Variants in PMM2 observed in about 807,000 individuals in gnomAD.
PMM2 encodes the protein phosphomannomutase 2.
A neutral mutation model predicts 33.2 loss-of-function variants in PMM2; 35 were observed. That is an observed-to-expected ratio of 1.06 (90% CI 0.81 to 1.40). The LOEUF (loss-of-function observed/expected upper bound fraction) is 1.40. PMM2 is among the 40% of genes most tolerant of loss of function. The pLI, the probability that PMM2 is intolerant of heterozygous loss-of-function variation, is 0.00. For synonymous variants in PMM2, 153 were observed against 114.7 expected (o/e 1.33, Z -2.13); for missense variants, 386 against 306.0 (o/e 1.26, Z -1.95).
chr16:8,817,965 G>A (rs1301936318), intron 7 of PMM2, among the ~76,000 whole-genome samples: 10 of 149,838 alleles, frequency 6.7e-5, no homozygotes, highest in South Asian at 4.2e-4. Flanking sequence ...GTGCAGTGGC[G>A]TGATCTCGGC....
intron 7 of PMM2, chr16:8,832,837 C>G (rs1014498189): frequency 2.0e-6 from 2 of 985,440 alleles, no homozygotes; most frequent in Admixed American, 6.1e-5. Flanking sequence ...AGCGTCTTCT[C>G]TGATGGCCAC....
At chr16:8,800,614 C>T (rs902616229) in intron 1 of PMM2, among the ~76,000 whole-genome samples, 3 of 150,894 alleles carry the variant, frequency 2.0e-5, no homozygotes, top group African/African-American at 7.3e-5. Context: ...TACTCTTTTA[C>T]ATTTTTGTTT....
Position 8,811,698 on chromosome 16 carries a change from C to T in PMM2, c.508C>T (p.Leu170Phe), listed in dbSNP as rs183384745. The T allele has an allele frequency of 2.5e-6, 4 of 1,610,288 alleles. No individual in the cohort carries two copies. The highest frequency in any genetic ancestry group is 3.4e-6 in the Non-Finnish European group (4 of 1,176,534). The change falls in exon 6 of 8, where the codon CTC becomes TTC. Residue 170 changes from leucine to phenylalanine, a missense_variant. Coordinates refer to ENST00000268261, the MANE Select transcript of PMM2 (RefSeq NM_000303.3). ...DLRKEFAGKGLTFSIGGQISF... is the reference protein window; with the variant it reads ...DLRKEFAGKGFTFSIGGQISF... ...ACGGAAAGAGTTTGCTGGAAAAGGC[C>T]TCACGTTTTCCATAGGTATTGTATA...
At chr16:8,838,585 G>A (rs2060868024) in intron 7 of PMM2, among the ~76,000 whole-genome samples, 1 of 151,960 alleles carries the variant, frequency 6.6e-6, no homozygotes, top group African/African-American at 2.4e-5. Flanking sequence ...CTTGTGGTAA[G>A]GGGTGATATT....
chr16:8,804,646 A>G, intron 2 of PMM2, 121 bp from the exon 3 acceptor site: 1 of 731,030 alleles, frequency 1.4e-6, no homozygotes, highest in Non-Finnish European at 2.5e-6. Context: ...GTAAGATGAG[A>G]TAGTCTTTCA....
intron 1 of PMM2, among the ~76,000 whole-genome samples, chr16:8,800,691 T>C (rs1379104450): frequency 1.3e-5 from 2 of 151,614 alleles, no homozygotes; most frequent in African/African-American, 4.8e-5. Flanking sequence ...TGTTTTGTTT[T>C]GTTTTGTTTT....
chr16:8,842,504 G>A (rs2060896989), intron 7 of PMM2: 1 of 152,230 alleles, frequency 6.6e-6, no homozygotes, highest in Non-Finnish European at 1.5e-5. Flanking sequence ...ATGGGTGTCA[G>A]GGTCAGTCCA....
In PMM2 at chr16:8,798,386, C is replaced by G. The variant is rs531374511; in HGVS notation, c.66+438C>G. On this transcript the variant is annotated intron_variant, in intron 1 of 7. Transcript: ENST00000268261. ...ACCTAGTGGAGTCTCATCTTCACCT[C>G]TTGACATCTGTGTGACCTTCAGCGA... 3.3e-5 allele frequency among the ~76,000 whole-genome samples: 5 copies of G among 152,292 alleles called. No individual in the cohort carries two copies. The South Asian group carries it at 8.3e-4, about 25-fold the overall frequency.
At position 8,844,726 on chromosome 16, in the gene PMM2, G is replaced by C. The variant is rs1192477596; in HGVS notation, c.640-2998G>C. ...GTCCGTGACCGGCGCCGGTTTTTTG[G>C]GTCCACAGATAAAACGTCTCCTTTG... On this transcript the variant is annotated intron_variant, in intron 7 of 7. Transcript: ENST00000268261. 1.3e-5 allele frequency among the ~76,000 whole-genome samples: 2 copies of C among 152,112 alleles called. 1 individual carries two copies. Among genetic ancestry groups the C allele is most frequent in the African/African-American group, 4.8e-5 (2 of 41,416 alleles).
intron 7 of PMM2, among the ~76,000 whole-genome samples, chr16:8,828,025 CTTTTTT>C (rs71153002): frequency 3.0e-5 from 2 of 66,622 alleles, no homozygotes; most frequent in Non-Finnish European, 5.3e-5. Context: ...CTGTAGAACT[CTTTTTT>C]TTTTTTTTTT....
intron 7 of PMM2, among the ~76,000 whole-genome samples, chr16:8,826,817 A>C (rs1011842568): frequency 1.3e-5 from 2 of 152,020 alleles, no homozygotes; most frequent in African/African-American, 4.8e-5. Context: ...CCCATTTTAC[A>C]AATCTTGTCA....
chr16:8,835,001 A>G (rs570748091), intron 7 of PMM2, among the ~76,000 whole-genome samples: 6,874 of 152,012 alleles, frequency 0.045, 229 homozygotes, highest in Middle Eastern at 0.13. Flanking sequence ...AAGTATATGC[A>G]TCAGGTATGA....
In PMM2 at chr16:8,847,937, C is replaced by G. The variant is rs1255644375; in HGVS notation, c.*112C>G. 2.2e-5 allele frequency: 17 copies of G among 767,354 alleles called. 1 individual carries two copies. The highest frequency in any genetic ancestry group is 2.2e-4 in the South Asian group (15 of 68,552). The allele number at this position is 767,354 out of a possible 1,614,324, so 47.5% of individuals were successfully genotyped here. A position where few individuals can be genotyped will look rare whatever the true frequency, so the allele number is the denominator to read the frequency against. On this transcript the variant is annotated 3_prime_UTR_variant, in exon 8 of 8. Transcript: ENST00000268261. The stretch of plus-strand genomic sequence containing the variant: ...CACCCACCCGCAGCCTAGGCAGGCT[C>G]TGCATGCTATGCCAGGCATGTGCAG...
At chr16:8,825,682 A>G (rs2060763159) in intron 7 of PMM2, among the ~76,000 whole-genome samples, 1 of 152,174 alleles carries the variant, frequency 6.6e-6, no homozygotes, top group Non-Finnish European at 1.5e-5. Flanking sequence ...ACTGTAGGGT[A>G]ACATTTTCGT....
intron 7 of PMM2, chr16:8,832,899 G>C (rs1327156333): frequency 1.0e-6 from 1 of 985,272 alleles, no homozygotes; most frequent in Non-Finnish European, 1.2e-6. Flanking sequence ...CACCCTCCAG[G>C]CCTGGCAGCC....
intron 1 of PMM2, among the ~76,000 whole-genome samples, chr16:8,799,116 G>A (rs920988251): frequency 4.6e-5 from 7 of 152,150 alleles, no homozygotes; most frequent in African/African-American, 1.7e-4. Context: ...TGCTGACTAT[G>A]TGGTCTATAG....
At chr16:8,822,979 A>T (rs1429566674) in intron 7 of PMM2, among the ~76,000 whole-genome samples, 1 of 152,212 alleles carries the variant, frequency 6.6e-6, no homozygotes, top group Admixed American at 6.5e-5. Context: ...CCAATCAGAC[A>T]TGGGGTTACT....
intron 1 of PMM2, among the ~76,000 whole-genome samples, chr16:8,798,521 G>A (rs1370628727): frequency 6.6e-6 from 1 of 152,142 alleles, no homozygotes; most frequent in African/African-American, 2.4e-5. Flanking sequence ...TTGAAAGTAT[G>A]TTGGACACAA....
chr16:8,832,387 C>T (rs1231293513), intron 7 of PMM2: 4 of 985,260 alleles, frequency 4.1e-6, no homozygotes, highest in Non-Finnish European at 4.8e-6. Flanking sequence ...TTCTCCAGAC[C>T]TAGCTTTATT....
Sources: allele counts gnomAD v4.1 joint callset (sites outside exome capture counted in the v4.1 genomes callset), GRCh38; gene constraint gnomAD v4.1.1; transcripts MANE v1.5; gene names NCBI Gene and HGNC (gene_info 2026-07-23, HGNC 2026-07-21).